Variants in SLCO1B1 observed in about 807,000 individuals in gnomAD.
SLCO1B1 encodes OATP-2.
A neutral mutation model predicts 70.1 loss-of-function variants in SLCO1B1; 81 were observed. The observed-to-expected ratio is 1.16, with a 90% confidence interval of 0.97 to 1.39. The LOEUF (loss-of-function observed/expected upper bound fraction) is 1.39, where lower values mean the gene tolerates loss of function less well. SLCO1B1 is among the 40% of genes most tolerant of loss of function. The pLI is 0.00. For synonymous variants in SLCO1B1, 283 were observed against 271.5 expected, an observed-to-expected ratio of 1.04 and a Z score of -0.42; for missense variants, 895 against 799.6, an observed-to-expected ratio of 1.12 and a Z score of -1.44.
rs546038612 is a variant in SLCO1B1 at position 21,238,423 on chromosome 12, G to A, written c.1866-556G>A. On this transcript the variant is annotated intron_variant, in intron 14 of 14. Coordinates refer to ENST00000256958, the MANE Select transcript of SLCO1B1 (RefSeq NM_006446.5). ...TCCATTTTGAAAATTTCCACGTCCC[G>A]GACATATCTAGGTCTGGTTTAAAGC... Among the ~76,000 whole-genome samples, 33 of 151,544 alleles carry A rather than the reference G, an allele frequency of 2.2e-4. No individual in the cohort carries two copies. In the East Asian group the frequency reaches 4.6e-3, roughly 21 times the overall value.
rs1042225743 is a variant in SLCO1B1, at chr12:21,224,912, A to G, written c.1865+73A>G. On this transcript the variant is annotated intron_variant, in intron 14 of 14. Coordinates refer to ENST00000256958, the MANE Select transcript of SLCO1B1 (RefSeq NM_006446.5). ...ATTCCTAAAAAATATCATTTTCATTATATAATAATATTAATAATGATAGCC... is the reference window on the plus strand; with the variant it reads ...ATTCCTAAAAAATATCATTTTCATTGTATAATAATATTAATAATGATAGCC... The G allele has an allele frequency of 1.7e-5, 13 of 754,752 alleles. No homozygotes were observed. In the African/African-American group the frequency reaches 2.3e-4, roughly 13 times the overall value. The allele number at this position is 754,752 out of a possible 1,614,324, so 46.8% of individuals were successfully genotyped here.
At chr12:21,145,660 C>T (rs879458537) in intron 2 of SLCO1B1, among the ~76,000 whole-genome samples, 1 of 151,446 alleles carries the variant, frequency 6.6e-6, no homozygotes, top group Non-Finnish European at 1.5e-5. Context: ...TACTTGATCA[C>T]GAGTAATACA....
chr12:21,218,089 A>T (rs7980544), intron 12 of SLCO1B1, among the ~76,000 whole-genome samples: 3,111 of 152,268 alleles, frequency 0.02, 99 homozygotes, highest in African/African-American at 0.071. Flanking sequence ...AATAAGTAAC[A>T]TTTATTCTAA....
At chr12:21,164,101 C>A (rs1338627692) in intron 2 of SLCO1B1, among the ~76,000 whole-genome samples, 1 of 152,072 alleles carries the variant, frequency 6.6e-6, no homozygotes, top group East Asian at 1.9e-4. Flanking sequence ...TTGGTGGAGG[C>A]AGATCCATTT....
chr12:21,232,723 G>A (rs200269183), intron 14 of SLCO1B1, among the ~76,000 whole-genome samples: 2 of 148,306 alleles, frequency 1.3e-5, no homozygotes, highest in East Asian at 2.1e-4. Flanking sequence ...GAAAGACAGA[G>A]AGACAGAGAG....
At chr12:21,165,331 T>C (rs4149035) in intron 2 of SLCO1B1, among the ~76,000 whole-genome samples, 92,485 of 151,768 alleles carry the variant, frequency 0.61, 28,683 homozygotes, top group South Asian at 0.88. Flanking sequence ...TAGCTCAAAC[T>C]GAGGATGAAA....
Position 21,202,490 on chromosome 12 carries a change from G to C in SLCO1B1, c.1136-1G>C, listed in dbSNP as rs143895524. On this transcript the variant is annotated splice_acceptor_variant, in intron 9 of 14. Transcript: ENST00000256958. LOFTEE classifies it high-confidence loss of function. The stretch of plus-strand genomic sequence containing the variant: ...TACAACTTTTTTTCTTTTTTTTCTA[G>C]GAGTCATAACCATACCTATTTTTGC... The C allele has an allele frequency of 6.3e-7, 1 of 1,581,554 alleles. No homozygotes were observed. The highest frequency in any genetic ancestry group is 8.6e-7 in the Non-Finnish European group (1 of 1,164,238).
At chr12:21,131,869 G>C (rs1940139346) in intron 1 of SLCO1B1, among the ~76,000 whole-genome samples, 1 of 151,634 alleles carries the variant, frequency 6.6e-6, no homozygotes, top group South Asian at 2.1e-4. Flanking sequence ...TAAGTTTTAG[G>C]GTACATGTGC....
At chr12:21,203,767 G>A (rs1215189181) in intron 10 of SLCO1B1, among the ~76,000 whole-genome samples, 1 of 151,962 alleles carries the variant, frequency 6.6e-6, no homozygotes, top group Non-Finnish European at 1.5e-5. Flanking sequence ...TAGAGATGAT[G>A]CAATCCAACC....
At chr12:21,167,055 T>C (rs1202500748) in intron 2 of SLCO1B1, among the ~76,000 whole-genome samples, 1 of 152,226 alleles carries the variant, frequency 6.6e-6, no homozygotes, top group Non-Finnish European at 1.5e-5. Flanking sequence ...AAATGTTACC[T>C]ACTATATGAT....
intron 2 of SLCO1B1, among the ~76,000 whole-genome samples, chr12:21,171,538 G>C (rs1267396574): frequency 6.6e-6 from 1 of 152,190 alleles, no homozygotes; most frequent in Non-Finnish European, 1.5e-5. Flanking sequence ...AGAAGAGACT[G>C]TTAGGCAGAT....
intron 1 of SLCO1B1, among the ~76,000 whole-genome samples, chr12:21,132,081 G>T (rs1378650761): frequency 6.6e-6 from 1 of 152,032 alleles, no homozygotes; most frequent in African/African-American, 2.4e-5. Context: ...GTGAGAACAT[G>T]CGGTGTTTGG....
intron 12 of SLCO1B1, among the ~76,000 whole-genome samples, chr12:21,221,955 T>A (rs1401077635): frequency 6.6e-6 from 1 of 152,050 alleles, no homozygotes; most frequent in Non-Finnish European, 1.5e-5. Flanking sequence ...TCATGCTCTT[T>A]CACACTTATT....
intron 7 of SLCO1B1, among the ~76,000 whole-genome samples, chr12:21,179,307 T>C (rs1186811637): frequency 1.3e-5 from 2 of 152,184 alleles, no homozygotes; most frequent in East Asian, 3.8e-4. Context: ...CCAAACTGAC[T>C]GTCCAGTCAA....
At chr12:21,230,226 C>T (rs1380432976) in intron 14 of SLCO1B1, among the ~76,000 whole-genome samples, 1 of 151,150 alleles carries the variant, frequency 6.6e-6, no homozygotes, top group African/African-American at 2.4e-5. Flanking sequence ...CCCACTTAGT[C>T]ATGATGTATA....
intron 11 of SLCO1B1, 64 bp downstream of exon 11, chr12:21,206,097 T>C: frequency 7.4e-7 from 1 of 1,356,926 alleles, no homozygotes; most frequent in East Asian, 2.3e-5. Context: ...AACAATTTTT[T>C]ACCAAATATT....
rs751121476 is a variant in SLCO1B1, at chr12:21,206,037, A to G, written c.1497+4A>G. 3 of 1,609,582 alleles carry G rather than the reference A, an allele frequency of 1.9e-6. No individual in the cohort carries two copies. The Admixed American group carries it at 5.0e-5, about 27-fold the overall frequency. ...AAGTGGCAATAAAAAGCCTATAGTG[A>G]GTATTAGTTTTTACTTTCCTCTCCT... On this transcript the variant is annotated splice_donor_region_variant and intron_variant, in intron 11 of 14. Transcript: ENST00000256958.
At chr12:21,186,934 T>C (rs1251262168) in intron 7 of SLCO1B1, among the ~76,000 whole-genome samples, 2 of 152,130 alleles carry the variant, frequency 1.3e-5, no homozygotes, top group African/African-American at 4.8e-5. Flanking sequence ...GATGGTTTGA[T>C]AATTTTAGAA....
At position 21,225,332 on chromosome 12, in the gene SLCO1B1, C is replaced by T. The variant is rs186612465; in HGVS notation, c.1865+493C>T. ...AACGGGAAAATATGTTTCTATATTA[C>T]TCTATTCGTGGGGAGAGATATTCCG... On this transcript the variant is annotated intron_variant, in intron 14 of 14. Transcript: ENST00000256958. Among the ~76,000 whole-genome samples the T allele has an allele frequency of 2.3e-3, 346 of 152,162 alleles. 4 individuals carry two copies. Among genetic ancestry groups the T allele is most frequent in the African/African-American group, 8.1e-3 (335 of 41,526 alleles).
Sources: allele counts gnomAD v4.1 joint callset (sites outside exome capture counted in the v4.1 genomes callset), GRCh38; gene constraint gnomAD v4.1.1; transcripts MANE v1.5; gene names NCBI Gene and HGNC (gene_info 2026-07-23, HGNC 2026-07-21).